RPRD2: variants seen among roughly 807,000 people sequenced by gnomAD.
The protein encoded by RPRD2 is regulation of nuclear pre-mRNA domain containing 2, also known as regulation of nuclear pre-mRNA domain-containing protein 2.
RPRD2 carries 12 observed loss-of-function variants against 104.4 expected under a neutral mutation model. The ratio of observed to expected loss-of-function variants is 0.11; its 90% CI spans 0.07 to 0.19. The LOEUF (loss-of-function observed/expected upper bound fraction) is 0.19, where lower values mean the gene tolerates loss of function less well. Among genes scored for constraint, RPRD2 ranks in the 10% least tolerant of loss-of-function variants. The pLI is 1.00. For missense variants in RPRD2, 1,543 were observed against 1,790.1 expected, an observed-to-expected ratio of 0.86 and a Z score of 2.49; for synonymous variants, 714 against 684.9, an observed-to-expected ratio of 1.04 and a Z score of -0.66.
chr1:150,397,876 G>C (rs1662651899), intron 1 of RPRD2, among the ~76,000 whole-genome samples: 1 of 151,828 alleles, frequency 6.6e-6, no homozygotes, highest in Admixed American at 6.6e-5. Flanking sequence ...TCAGCCTCCG[G>C]AGTAGCTGGA....
chr1:150,475,062 A>C lies in RPRD2; in HGVS notation c.*1728A>C, dbSNP rs1208104361. On this transcript the variant is annotated 3_prime_UTR_variant, in exon 11 of 11. Transcript: ENST00000369068. The stretch of plus-strand genomic sequence containing the variant: ...ATGCTGCAGGTCATTCATCTTCTTA[A>C]TGCCTGTCTGGTCTTAAGCCAACTG... 2 of 152,058 alleles carry C rather than the reference A, an allele frequency of 1.3e-5. No individual in the cohort carries two copies. The highest frequency in any genetic ancestry group is 1.3e-4 in the Admixed American group (2 of 15,260). The allele number at this position is 152,058 out of a possible 1,614,324, so 9.4% of individuals were successfully genotyped here.
chr1:150,388,497 G>GCGCACACACA (rs782440726), intron 1 of RPRD2, among the ~76,000 whole-genome samples: 1 of 90,134 alleles, frequency 1.1e-5, no homozygotes, highest in Admixed American at 9.3e-5. Context: ...ATATACCCGC[G>GCGCACACACA]CACACACACA....
At chr1:150,449,814 A>G (rs1667032873) in intron 7 of RPRD2, among the ~76,000 whole-genome samples, 1 of 152,128 alleles carries the variant, frequency 6.6e-6, no homozygotes, top group South Asian at 2.1e-4. Context: ...ATAAATTTTC[A>G]AAAATTCTCA....
intron 1 of RPRD2, among the ~76,000 whole-genome samples, chr1:150,398,301 A>G (rs1166132425): frequency 6.6e-6 from 1 of 151,910 alleles, no homozygotes; most frequent in South Asian, 2.1e-4. Context: ...GGTTCACGCC[A>G]TTCTCCTGCC....
At chr1:150,451,162 G>T (rs1667140827) in intron 7 of RPRD2, among the ~76,000 whole-genome samples, 2 of 152,092 alleles carry the variant, frequency 1.3e-5, no homozygotes, top group South Asian at 4.1e-4. Flanking sequence ...CCCAGTTTGA[G>T]TTTATTTGAT....
At chr1:150,445,144 G>A (rs1666674218) in intron 6 of RPRD2, among the ~76,000 whole-genome samples, 1 of 152,146 alleles carries the variant, frequency 6.6e-6, no homozygotes. Flanking sequence ...TCATGTCACT[G>A]CACTCCAGCC....
At chr1:150,393,818 C>G (rs1450626194) in intron 1 of RPRD2, among the ~76,000 whole-genome samples, 1 of 151,854 alleles carries the variant, frequency 6.6e-6, no homozygotes, top group East Asian at 1.9e-4. Flanking sequence ...CTTGGATCAT[C>G]AAAGTCATGA....
At chr1:150,379,574 G>C (rs182573964) in intron 1 of RPRD2, among the ~76,000 whole-genome samples, 1 of 151,898 alleles carries the variant, frequency 6.6e-6, no homozygotes, top group African/African-American at 2.4e-5. Context: ...GGCTAATTTT[G>C]TATTTTTAGT....
At position 150,474,692 on chromosome 1, in the gene RPRD2, C is replaced by T. The variant is rs1055593955; in HGVS notation, c.*1358C>T. On this transcript the variant is annotated 3_prime_UTR_variant, in exon 11 of 11. Transcript: ENST00000369068. ...CTGAAAAGTAAATGTTGCTTTACTACAATTTTTTTTTAATTTAGTGTCTTA... is the reference window on the plus strand; with the variant it reads ...CTGAAAAGTAAATGTTGCTTTACTATAATTTTTTTTTAATTTAGTGTCTTA... The T allele has an allele frequency of 1.3e-5, 2 of 152,000 alleles. No homozygotes were observed. The highest frequency in any genetic ancestry group is 1.5e-5 in the Non-Finnish European group (1 of 68,002). 9.4% of individuals were successfully genotyped at this position (152,000 alleles called of 1,614,324 possible).
At chr1:150,437,847 T>C (rs2102344701) in intron 2 of RPRD2, among the ~76,000 whole-genome samples, 1 of 152,026 alleles carries the variant, frequency 6.6e-6, no homozygotes, top group African/African-American at 2.4e-5. Context: ...TCCAAAGTGC[T>C]AGAACTGCAG....
At chr1:150,382,270 C>G (rs1661195386) in intron 1 of RPRD2, among the ~76,000 whole-genome samples, 1 of 152,176 alleles carries the variant, frequency 6.6e-6, no homozygotes, top group South Asian at 2.1e-4. Flanking sequence ...AATTTGGAAG[C>G]TGTTTTCCTA....
intron 1 of RPRD2, among the ~76,000 whole-genome samples, chr1:150,416,616 C>T (rs587729369): frequency 6.6e-6 from 1 of 152,144 alleles, no homozygotes; most frequent in African/African-American, 2.4e-5. Flanking sequence ...CACCTGTAAT[C>T]CCAGCACTTT....
At chr1:150,376,127 T>C (rs1428998556) in intron 1 of RPRD2, among the ~76,000 whole-genome samples, 2 of 152,222 alleles carry the variant, frequency 1.3e-5, no homozygotes, top group Non-Finnish European at 2.9e-5. Context: ...ATTCTTATTC[T>C]CTTGTTTTTA....
chr1:150,460,328 C>T lies in RPRD2; in HGVS notation c.1411+11C>T, dbSNP rs1553898568. 3 of 1,599,868 alleles carry T rather than the reference C, an allele frequency of 1.9e-6. No individual in the cohort carries two copies. The highest frequency in any genetic ancestry group is 2.6e-6 in the Non-Finnish European group (3 of 1,171,116). On this transcript the variant is annotated intron_variant, in intron 9 of 10. Transcript: ENST00000369068. ...TCATGAAAAATACTGGTAAGTAAGC[C>T]CAGTAAGGAGGATAAAAAGTTAATT...
intron 1 of RPRD2, among the ~76,000 whole-genome samples, chr1:150,404,389 G>C (rs1553886080): frequency 6.6e-6 from 1 of 152,092 alleles, no homozygotes; most frequent in African/African-American, 2.4e-5. Context: ...TGGGACCACA[G>C]GTGCTTGCCA....
rs1037911285 is a variant in RPRD2, at chr1:150,474,619, T to C, written c.*1285T>C. 3.9e-5 allele frequency: 6 copies of C among 152,222 alleles called. No individual in the cohort carries two copies. The highest frequency in any genetic ancestry group is 1.3e-4 in the Admixed American group (2 of 15,284). The allele number at this position is 152,222 out of a possible 1,614,324, so 9.4% of individuals were successfully genotyped here. On this transcript the variant is annotated 3_prime_UTR_variant, in exon 11 of 11. Coordinates refer to ENST00000369068, the MANE Select transcript of RPRD2 (RefSeq NM_015203.5). ...ATTTCTACATCTAGTACTTGGGAAATAGACAATCACTGTACTTTGAGTGTT... is the reference window on the plus strand; with the variant it reads ...ATTTCTACATCTAGTACTTGGGAAACAGACAATCACTGTACTTTGAGTGTT...
At chr1:150,388,031 C>T (rs1572373457) in intron 1 of RPRD2, among the ~76,000 whole-genome samples, 1 of 151,094 alleles carries the variant, frequency 6.6e-6, no homozygotes, top group African/African-American at 2.4e-5. Flanking sequence ...ATCCTACCAC[C>T]TCAGCCTCCT....
At chr1:150,390,682 A>G (rs890668825) in intron 1 of RPRD2, among the ~76,000 whole-genome samples, 19 of 152,188 alleles carry the variant, frequency 1.2e-4, no homozygotes, top group Middle Eastern at 3.2e-3. Context: ...GATTTGAACA[A>G]CAGATAAGAC....
chr1:150,472,512 A>C lies in RPRD2; in HGVS notation c.3564A>C (p.Ser1188=). The change falls in exon 11 of 11, where the codon TCA becomes TCC. Residue 1188 remains serine (S), a synonymous_variant. Transcript: ENST00000369068. Reference sequence around the variant, plus strand: ...GCTTTCGTTCCAACAGTTTCAACTCAACATTTGAGCATCATCTTCCCCCAT... The same window carrying C: ...GCTTTCGTTCCAACAGTTTCAACTCCACATTTGAGCATCATCTTCCCCCAT... The part of the protein sequence containing the change: ...VGSFRSNSFN[S]TFEHHLPPSP... 6.2e-7 allele frequency: 1 copy of C among 1,613,934 alleles called. No individual in the cohort carries two copies. The highest frequency in any genetic ancestry group is 8.5e-7 in the Non-Finnish European group (1 of 1,179,862).
Sources: gnomAD v4.1 joint callset for allele counts (sites outside exome capture counted in the v4.1 genomes callset) on GRCh38, gnomAD v4.1.1 for gene constraint, MANE v1.5 for transcripts, NCBI Gene and HGNC (gene_info 2026-07-23, HGNC 2026-07-21) for gene names.